Variants in CGGBP1 observed in about 807,000 individuals in gnomAD.
CGGBP1 encodes the protein CGG triplet repeat binding protein 1.
In CGGBP1, 4 loss-of-function variants were observed where a neutral mutation model predicts 11.4. The ratio of observed to expected loss-of-function variants is 0.35; its 90% CI spans 0.17 to 0.80. The LOEUF (loss-of-function observed/expected upper bound fraction) is 0.80. CGGBP1 is among the 30% of genes least tolerant of loss of function. The pLI is 0.52. For missense variants in CGGBP1, 135 were observed against 202.1 expected (o/e 0.67, Z 2.01); for synonymous variants, 76 against 74.1 (o/e 1.03, Z -0.13).
intron 2 of CGGBP1, among the ~76,000 whole-genome samples, chr3:88,127,486 G>A (rs1201844943): frequency 1.3e-5 from 2 of 152,074 alleles, no homozygotes; most frequent in African/African-American, 4.8e-5. Context: ...TGCTGAGGAG[G>A]AAGAGTTGGA....
Position 88,058,948 on chromosome 3 carries a change from C to A in CGGBP1, c.-464G>T. The A allele has an allele frequency of 4.9e-6, 1 of 204,790 alleles. No homozygotes were observed. Among genetic ancestry groups the A allele is most frequent in the Non-Finnish European group, 9.7e-6 (1 of 103,262 alleles). The allele number at this position is 204,790 out of a possible 1,614,324, so 12.7% of individuals were successfully genotyped here. On this transcript the variant is annotated 5_prime_UTR_variant, in exon 1 of 4. Transcript: ENST00000482016. ...GCCGCCGTCGCCGCCGTTGCCCGAT[C>A]GAGCCCCGCGGCGGCCGCCGTGTCC...
At chr3:88,096,645 T>G (rs1704078465) in intron 2 of CGGBP1, among the ~76,000 whole-genome samples, 1 of 152,152 alleles carries the variant, frequency 6.6e-6, no homozygotes, top group Admixed American at 6.6e-5. Flanking sequence ...AATCTGCTTT[T>G]TATCTGGTTC....
intron 2 of CGGBP1, among the ~76,000 whole-genome samples, chr3:88,128,487 C>A (rs1706252218): frequency 6.6e-6 from 1 of 151,748 alleles, no homozygotes; most frequent in African/African-American, 2.4e-5. Flanking sequence ...AAGACATAGA[C>A]CCATGTTACT....
Position 88,055,775 on chromosome 3 carries a change from T to G in CGGBP1, c.202A>C (p.Thr68Pro), listed in dbSNP as rs770764837. Reference protein sequence around the residue: ...ISDHLKSKTHTKRKAEFEEQN... With the variant: ...ISDHLKSKTHPKRKAEFEEQN... ...TCTTCAAATTCTGCCTTCCTCTTGG[T>G]ATGAGTCTTTGACTTGAGGTGGTCA... Residue 68 changes from threonine (T) to proline (P), a missense_variant, in exon 4 of 4, where the codon ACC becomes CCC. By Grantham distance (38) the Thr-to-Pro change is conservative (BLOSUM62 -1). Coordinates refer to ENST00000482016, the MANE Select transcript of CGGBP1 (RefSeq NM_001008390.2). This position sits in a 1 kb window ranked among gnomAD's most constrained non-coding sequence, Gnocchi z 4.2. 6.2e-7 allele frequency: 1 copy of G among 1,614,232 alleles called. No individual in the cohort carries two copies. Among genetic ancestry groups the G allele is most frequent in the Non-Finnish European group, 8.5e-7 (1 of 1,180,032 alleles).
At chr3:88,078,048 C>G (rs1299169900) in intron 2 of CGGBP1, among the ~76,000 whole-genome samples, 1 of 152,114 alleles carries the variant, frequency 6.6e-6, no homozygotes, top group Non-Finnish European at 1.5e-5. Context: ...GCTTAATATG[C>G]TAATTCTGGA....
At chr3:88,102,712 T>A (rs1237536642) in intron 2 of CGGBP1, among the ~76,000 whole-genome samples, 2 of 151,980 alleles carry the variant, frequency 1.3e-5, no homozygotes, top group Non-Finnish European at 2.9e-5. Context: ...ATATTCAGTT[T>A]AACTTCTAAC....
intron 2 of CGGBP1, chr3:88,140,104 C>T: frequency 6.2e-7 from 1 of 1,613,820 alleles, no homozygotes; most frequent in Non-Finnish European, 8.5e-7. Flanking sequence ...CATAGCTATC[C>T]AAATGTGTAT....
At chr3:88,148,134 A>C (rs1229956332) in intron 1 of CGGBP1, among the ~76,000 whole-genome samples, 1 of 152,124 alleles carries the variant, frequency 6.6e-6, no homozygotes, top group Non-Finnish European at 1.5e-5. Context: ...TCACTTAAAG[A>C]AGCTTTCCTT....
intron 2 of CGGBP1, among the ~76,000 whole-genome samples, chr3:88,111,206 T>G (rs76261481): frequency 0.01 from 1,563 of 152,126 alleles, 25 homozygotes; most frequent in African/African-American, 0.035. Context: ...CAGAGATGCT[T>G]TTTGTTGGGC....
intron 1 of CGGBP1, among the ~76,000 whole-genome samples, chr3:88,146,001 A>G (rs1438144921): frequency 3.3e-5 from 5 of 152,210 alleles, no homozygotes; most frequent in Non-Finnish European, 5.9e-5. Context: ...GAGTGGATCT[A>G]ATAATCCACA....
At chr3:88,111,094 G>C (rs1337122674) in intron 2 of CGGBP1, among the ~76,000 whole-genome samples, 3 of 152,000 alleles carry the variant, frequency 2.0e-5, no homozygotes, top group Non-Finnish European at 4.4e-5. Flanking sequence ...GTTGAACATG[G>C]ATTTTGAGTA....
intron 2 of CGGBP1, among the ~76,000 whole-genome samples, chr3:88,106,001 T>C (rs1444615933): frequency 6.6e-6 from 1 of 152,186 alleles, no homozygotes; most frequent in Non-Finnish European, 1.5e-5. Flanking sequence ...TCTAGCCTTC[T>C]TCCTCTCCAG....
chr3:88,105,228 C>G (rs1340205380), intron 2 of CGGBP1, among the ~76,000 whole-genome samples: 1 of 152,156 alleles, frequency 6.6e-6, no homozygotes, highest in Non-Finnish European at 1.5e-5. Context: ...GTCCAACTAA[C>G]AAATAACATA....
intron 2 of CGGBP1, among the ~76,000 whole-genome samples, chr3:88,112,221 A>G (rs1335956554): frequency 1.3e-5 from 2 of 151,814 alleles, no homozygotes; most frequent in African/African-American, 2.4e-5. Flanking sequence ...AAAAGCATAT[A>G]TATTCTCATG....
At chr3:88,066,816 T>C (rs1559686693) in intron 2 of CGGBP1, among the ~76,000 whole-genome samples, 1 of 152,134 alleles carries the variant, frequency 6.6e-6, no homozygotes, top group Admixed American at 6.5e-5. Context: ...ACAAGAACTT[T>C]ACGAAACCTG....
chr3:88,121,010 G>C (rs546942832), intron 2 of CGGBP1, among the ~76,000 whole-genome samples: 1 of 152,082 alleles, frequency 6.6e-6, no homozygotes, highest in African/African-American at 2.4e-5. Flanking sequence ...TAGGTGATGG[G>C]TTGATAGGTG....
rs75822676 is a variant in CGGBP1, at chr3:88,138,510, T to C, written c.-229+2460A>G. Among the ~76,000 whole-genome samples the C allele has an allele frequency of 8.2e-3, 1,254 of 152,236 alleles. 9 individuals carry two copies. Among genetic ancestry groups the C allele is most frequent in the African/African-American group, 0.029 (1,213 of 41,540 alleles). The stretch of plus-strand genomic sequence containing the variant: ...AGCTAAAATGCTATCTATTCCAGAT[T>C]ATTTTCAAGTTTAAGAAAAAGAGAA... On this transcript the variant is annotated intron_variant, in intron 2 of 3. Coordinates refer to the CGGBP1 transcript ENST00000462901.
At chr3:88,059,609 C>G, upstream of CGGBP1, 1 of 1,399,302 alleles carries the variant, frequency 7.1e-7, no homozygotes, top group Non-Finnish European at 9.3e-7. Flanking sequence ...AGTGCCCGCT[C>G]CTCCCCAACA....
At chr3:88,125,796 T>C (rs1706065711) in intron 2 of CGGBP1, among the ~76,000 whole-genome samples, 1 of 152,158 alleles carries the variant, frequency 6.6e-6, no homozygotes, top group Non-Finnish European at 1.5e-5. Context: ...TAAGAGAAAT[T>C]TTATGAACCT....
Sources: allele counts gnomAD v4.1 joint callset (sites outside exome capture counted in the v4.1 genomes callset), GRCh38; gene constraint gnomAD v4.1.1; non-coding constraint Gnocchi (gnomAD v3.1); transcripts MANE v1.5; gene names NCBI Gene and HGNC (gene_info 2026-07-23, HGNC 2026-07-21).